Variants in JAM3 observed in about 807,000 individuals in gnomAD.
JAM3 encodes junctional adhesion molecule 3, also known as junctional adhesion molecule C.
A neutral mutation model predicts 39.4 loss-of-function variants in JAM3; 31 were observed. That is an observed-to-expected ratio of 0.79 (90% confidence interval 0.59 to 1.06). The LOEUF is 1.06. Among genes scored for constraint, JAM3 ranks in the 50% least tolerant of loss-of-function variants. The pLI is 0.00. For synonymous variants in JAM3, 182 were observed against 148.7 expected (o/e 1.22, Z -1.63); for missense variants, 455 against 391.4 (o/e 1.16, Z -1.37).
intron 1 of JAM3, among the ~76,000 whole-genome samples, chr11:134,077,904 G>A (rs1269587083): frequency 2.0e-5 from 3 of 151,824 alleles, no homozygotes; most frequent in Non-Finnish European, 4.4e-5. Flanking sequence ...CGCCCGCCTC[G>A]GCTTCCCAAA....
At chr11:134,089,450 A>C (rs184605491) in intron 1 of JAM3, among the ~76,000 whole-genome samples, 41 of 152,130 alleles carry the variant, frequency 2.7e-4, no homozygotes, top group African/African-American at 9.6e-4. Context: ...TCCAAATGCT[A>C]TCCCCCCATC....
At chr11:134,114,044 G>GT (rs1405897866) in intron 1 of JAM3, among the ~76,000 whole-genome samples, 6 of 151,800 alleles carry the variant, frequency 4.0e-5, no homozygotes, top group South Asian at 2.1e-4. Context: ...GGGTTTGTTT[G>GT]TTTTTTTCTT....
intron 1 of JAM3, among the ~76,000 whole-genome samples, chr11:134,113,878 C>T (rs1330814535): frequency 1.3e-5 from 2 of 152,152 alleles, no homozygotes; most frequent in Non-Finnish European, 2.9e-5. Flanking sequence ...TTTTAATGAT[C>T]GCAATTCTAA....
intron 1 of JAM3, among the ~76,000 whole-genome samples, chr11:134,099,900 C>A (rs114464312): frequency 7.9e-5 from 12 of 152,242 alleles, no homozygotes; most frequent in African/African-American, 2.6e-4. Context: ...CCACCGCGCC[C>A]GGCTTGCTTC....
intron 1 of JAM3, among the ~76,000 whole-genome samples, chr11:134,106,737 A>T (rs560471328): frequency 6.6e-6 from 1 of 152,370 alleles, no homozygotes; most frequent in Admixed American, 6.5e-5. Context: ...AGAAATGCTC[A>T]TCATCACTGG....
At chr11:134,070,795 A>G (rs1941473171) in intron 1 of JAM3, among the ~76,000 whole-genome samples, 1 of 152,256 alleles carries the variant, frequency 6.6e-6, no homozygotes, top group Non-Finnish European at 1.5e-5. Context: ...AGAAAATGCA[A>G]AGAGCTTCAC....
In JAM3 at chr11:134,098,419, G is replaced by T. The variant is rs150420040; in HGVS notation, c.76+29260G>T. 6.0e-3 allele frequency among the ~76,000 whole-genome samples: 915 copies of T among 152,258 alleles called. 8 individuals carry two copies. The highest frequency in any genetic ancestry group is 8.4e-3 in the Non-Finnish European group (568 of 68,014). On this transcript the variant is annotated intron_variant, in intron 1 of 8. Transcript: ENST00000299106. ...AAATGTACCTCATTAGAAAGTTCAC[G>T]TGAGATAATTTGGGATTTGCAAAAT...
chr11:134,148,569 T>C lies in JAM3; in HGVS notation c.735T>C (p.Ile245=). ...CAGATGACCTGAACATTGGCGGAAT[T>C]ATTGGGGGGGTTCTGGTTGTCCTTG... ...MEVYDLNIGG[I]IGGVLVVLAV... The change falls in exon 7 of 9, where the codon ATT becomes ATC. Residue 245 remains isoleucine, a synonymous_variant. Transcript: ENST00000299106. 6.2e-7 allele frequency: 1 copy of C among 1,614,034 alleles called. No individual in the cohort carries two copies. Among genetic ancestry groups the C allele is most frequent in the South Asian group, 1.1e-5 (1 of 91,058 alleles).
intron 1 of JAM3, chr11:134,124,149 A>G: frequency 2.1e-6 from 3 of 1,462,666 alleles, no homozygotes; most frequent in South Asian, 1.1e-5. Flanking sequence ...TAGAAGGTGG[A>G]TTCCTTCTTT....
intron 1 of JAM3, among the ~76,000 whole-genome samples, chr11:134,118,282 T>C (rs1942473922): frequency 6.6e-6 from 1 of 152,190 alleles, no homozygotes; most frequent in African/African-American, 2.4e-5. Flanking sequence ...AAGAATATTT[T>C]ATAATTGGTC....
At position 134,149,111 on chromosome 11, in the gene JAM3, C is replaced by T. The variant is rs756716627; in HGVS notation, c.898-35C>T. 2.1e-5 allele frequency: 34 copies of T among 1,613,472 alleles called. No homozygotes were observed. The South Asian group carries it at 3.3e-4, about 16-fold the overall frequency. ...TGTTTTTCCCTGCTTGCCACCAGGC[C>T]CCTTGATGGCTCTAACTGTGTGTTG... On this transcript the variant is annotated intron_variant, in intron 8 of 8. Transcript: ENST00000299106.
chr11:134,137,161 A>T (rs1451237538), intron 1 of JAM3, among the ~76,000 whole-genome samples: 1 of 151,982 alleles, frequency 6.6e-6, no homozygotes, highest in African/African-American at 2.4e-5. Flanking sequence ...TTTCTTTGCC[A>T]TAATGCAGAG....
At chr11:134,072,628 T>C (rs917460290) in intron 1 of JAM3, among the ~76,000 whole-genome samples, 2 of 152,158 alleles carry the variant, frequency 1.3e-5, no homozygotes, top group South Asian at 2.1e-4. Context: ...TTTTAAGATA[T>C]GTTTATAGTT....
At chr11:134,091,415 C>T (rs1300036290) in intron 1 of JAM3, among the ~76,000 whole-genome samples, 1 of 152,006 alleles carries the variant, frequency 6.6e-6, no homozygotes, top group Non-Finnish European at 1.5e-5. Context: ...GAATCGCTTC[C>T]CAGAACCTGG....
chr11:134,136,396 T>A (rs981165831), intron 1 of JAM3, among the ~76,000 whole-genome samples: 5 of 152,226 alleles, frequency 3.3e-5, no homozygotes, highest in African/African-American at 1.2e-4. Flanking sequence ...TTACTTACGA[T>A]GTCTTCACGT....
Position 134,144,333 on chromosome 11 carries a change from G to A in JAM3, c.349G>A (p.Val117Ile). The change falls in exon 4 of 9, where the codon GTC becomes ATC. Residue 117 changes from valine (V) to isoleucine (I), a missense_variant. By Grantham distance (29) the Val-to-Ile change is conservative. Coordinates refer to ENST00000299106, the MANE Select transcript of JAM3 (RefSeq NM_032801.5). ...RRDSALYRCE[V>I]VARNDRKEID... Reference sequence around the variant, plus strand: ...AGACTCAGCCCTTTATCGCTGTGAGGTCGTTGCTCGAAATGACCGCAAGGA... The same window carrying A: ...AGACTCAGCCCTTTATCGCTGTGAGATCGTTGCTCGAAATGACCGCAAGGA... 1 of 1,614,234 alleles carries A rather than the reference G, an allele frequency of 6.2e-7. No individual in the cohort carries two copies. Among genetic ancestry groups the A allele is most frequent in the Non-Finnish European group, 8.5e-7 (1 of 1,180,038 alleles).
At chr11:134,126,677 C>T (rs1942654200) in intron 1 of JAM3, among the ~76,000 whole-genome samples, 1 of 152,174 alleles carries the variant, frequency 6.6e-6, no homozygotes, top group Admixed American at 6.5e-5. Flanking sequence ...AAGTCTATGA[C>T]AGAGCTAGGA....
intron 1 of JAM3, among the ~76,000 whole-genome samples, chr11:134,130,039 C>T (rs1385185566): frequency 1.3e-5 from 2 of 152,186 alleles, no homozygotes; most frequent in Middle Eastern, 3.4e-3. Context: ...AAAACGGCCC[C>T]AGATAGTTCA....
Position 134,099,048 on chromosome 11 carries a change from A to G in JAM3, c.76+29889A>G, listed in dbSNP as rs146382399. On this transcript the variant is annotated intron_variant, in intron 1 of 8. Coordinates refer to ENST00000299106, the MANE Select transcript of JAM3 (RefSeq NM_032801.5). ...AATCCCATCTCTGCAAAAAATACAA[A>G]AATTAGCCATGTGTGGTGGTGCATG... is the stretch of plus-strand genomic sequence containing the variant. Among the ~76,000 whole-genome samples the G allele has an allele frequency of 4.6e-3, 703 of 152,042 alleles. 6 individuals are homozygous for G. The highest frequency in any genetic ancestry group is 0.016 in the African/African-American group (671 of 41,468).
Sources: allele counts gnomAD v4.1 joint callset (sites outside exome capture counted in the v4.1 genomes callset), GRCh38; gene constraint gnomAD v4.1.1; transcripts MANE v1.5; gene names NCBI Gene and HGNC (gene_info 2026-07-23, HGNC 2026-07-21).